Variants in SLC30A7 observed in about 807,000 individuals in gnomAD.
SLC30A7 encodes zinc transporter 7.
In SLC30A7, 35 loss-of-function variants were observed where a neutral mutation model predicts 46.0. That is an observed-to-expected ratio of 0.76 (90% CI 0.58 to 1.01). SLC30A7 has a LOEUF of 1.01. Among genes scored for constraint, SLC30A7 ranks in the 50% least tolerant of loss-of-function variants. The pLI is 0.00. For missense variants in SLC30A7, 464 were observed against 451.1 expected, an observed-to-expected ratio of 1.03 and a Z score of -0.26; for synonymous variants, 147 against 157.8, an observed-to-expected ratio of 0.93 and a Z score of 0.51.
intron 8 of SLC30A7, among the ~76,000 whole-genome samples, chr1:100,957,222 C>T (rs1655273713): frequency 6.6e-6 from 1 of 152,180 alleles, no homozygotes; most frequent in Non-Finnish European, 1.5e-5. Flanking sequence ...AAGGTCCCAC[C>T]TGGTTCCAGA....
intron 6 of SLC30A7, among the ~76,000 whole-genome samples, chr1:100,914,061 T>G (rs1371550385): frequency 6.6e-6 from 1 of 152,214 alleles, no homozygotes; most frequent in Non-Finnish European, 1.5e-5. Flanking sequence ...TTATTTTTAA[T>G]TTTTAATTTT....
chr1:100,905,579 CT>C (rs2101007472), intron 2 of SLC30A7, among the ~76,000 whole-genome samples: 1 of 151,984 alleles, frequency 6.6e-6, no homozygotes, highest in African/African-American at 2.4e-5. Flanking sequence ...GGATGCTCTG[CT>C]TTTTTTGTTT....
downstream of SLC30A7, among the ~76,000 whole-genome samples, chr1:100,986,127 C>T (rs764032043): frequency 6.6e-6 from 1 of 152,124 alleles, no homozygotes; most frequent in Admixed American, 6.5e-5. Flanking sequence ...GACACCACTG[C>T]GGCCAGGCAC....
At chr1:100,937,538 T>C (rs1570555362) in intron 8 of SLC30A7, among the ~76,000 whole-genome samples, 1 of 152,214 alleles carries the variant, frequency 6.6e-6, no homozygotes, top group South Asian at 2.1e-4. Context: ...CAAGTGGTCT[T>C]ATTGTTTTGA....
chr1:100,934,474 A>G (rs957194592), intron 8 of SLC30A7, among the ~76,000 whole-genome samples: 10 of 152,084 alleles, frequency 6.6e-5, no homozygotes, highest in African/African-American at 2.4e-4. Context: ...TCTTTGCTCT[A>G]TTATCCAGAT....
intron 7 of SLC30A7, among the ~76,000 whole-genome samples, chr1:100,920,096 A>T (rs1557984340): frequency 1.3e-5 from 2 of 152,094 alleles, no homozygotes; most frequent in Admixed American, 6.5e-5. Flanking sequence ...TCAGGTTAGC[A>T]AATAAATGGT....
intron 4 of SLC30A7, 97 bp from the exon 5 acceptor site, chr1:100,912,015 A>G (rs1433617359): frequency 6.2e-6 from 7 of 1,135,142 alleles, no homozygotes; most frequent in Non-Finnish European, 8.7e-6. Context: ...TTTAATTCCA[A>G]AAATAACTGA....
chr1:100,945,426 C>A (rs1301555634), intron 8 of SLC30A7, among the ~76,000 whole-genome samples: 1 of 152,160 alleles, frequency 6.6e-6, no homozygotes, highest in Non-Finnish European at 1.5e-5. Flanking sequence ...TTAGGTCTAA[C>A]ATTTAAGTCT....
chr1:100,935,315 G>A (rs1653891421), intron 8 of SLC30A7, among the ~76,000 whole-genome samples: 1 of 152,100 alleles, frequency 6.6e-6, no homozygotes, highest in Non-Finnish European at 1.5e-5. Context: ...CTTTTTATAG[G>A]CATGAATTCT....
chr1:100,916,359 G>A (rs557997871), intron 6 of SLC30A7, among the ~76,000 whole-genome samples: 1 of 152,018 alleles, frequency 6.6e-6, no homozygotes, highest in South Asian at 2.1e-4. Context: ...CTAACTTTTT[G>A]TATTTTTAGT....
intron 8 of SLC30A7, among the ~76,000 whole-genome samples, chr1:100,940,618 A>G (rs1481748227): frequency 1.3e-5 from 2 of 152,228 alleles, no homozygotes; most frequent in Non-Finnish European, 2.9e-5. Context: ...GTATAAGTTT[A>G]TTTAAGTTAC....
the SLC30A7 span, chr1:100,990,661 A>G: frequency 7.3e-5 from 117 of 1,596,152 alleles, 1 homozygote; most frequent in Middle Eastern, 5.0e-4. Context: ...CTGCTATTCA[A>G]TTCAGCAAAT....
At chr1:100,906,811 G>C in intron 2 of SLC30A7, 41 bp from the exon 3 acceptor site, 1 of 1,341,022 alleles carries the variant, frequency 7.5e-7, no homozygotes, top group Non-Finnish European at 1.1e-6. Context: ...CCTACTGTTT[G>C]GTTTTTATTA....
chr1:100,965,618 G>A, intron 9 of SLC30A7, 151 bp from the exon 10 acceptor site: 8 of 668,252 alleles, frequency 1.2e-5, no homozygotes, highest in East Asian at 1.1e-4. Context: ...GTACTCAAGA[G>A]TATTTATTTA....
At chr1:100,940,513 A>G (rs535701068) in intron 8 of SLC30A7, among the ~76,000 whole-genome samples, 3 of 152,208 alleles carry the variant, frequency 2.0e-5, no homozygotes, top group South Asian at 4.1e-4. Context: ...CACTTAGATC[A>G]TGAAGGACTA....
chr1:100,982,599 C>T (rs1558021024), downstream of SLC30A7, among the ~76,000 whole-genome samples: 1 of 152,140 alleles, frequency 6.6e-6, no homozygotes, highest in African/African-American at 2.4e-5. Context: ...CCTTTGAAAT[C>T]TTTTACTTTC....
intron 10 of SLC30A7, 144 bp from the exon 11 acceptor site, chr1:100,974,666 C>T: frequency 1.9e-6 from 1 of 536,496 alleles, no homozygotes; most frequent in South Asian, 5.1e-5. Context: ...TTTTTTGTAG[C>T]TTATGAATAT....
Position 100,974,900 on chromosome 1 carries a change from C to T in SLC30A7, c.*43C>T, listed in dbSNP as rs771718988. ...TGCACCTTTTATGGACCAAATTTTT[C>T]TGGTACTGTACGATCCAAAACATTG... On this transcript the variant is annotated 3_prime_UTR_variant, in exon 11 of 11. Transcript: ENST00000357650. 3 of 1,544,598 alleles carry T rather than the reference C, an allele frequency of 1.9e-6. No individual in the cohort carries two copies. The highest frequency in any genetic ancestry group is 2.7e-5 in the African/African-American group (2 of 73,230).
At chr1:100,917,228 T>C (rs187413211) in intron 6 of SLC30A7, among the ~76,000 whole-genome samples, 9 of 152,330 alleles carry the variant, frequency 5.9e-5, no homozygotes, top group Admixed American at 2.0e-4. Flanking sequence ...ATCAGCTGGA[T>C]TTTTCAGGGT....
Sources: allele counts gnomAD v4.1 joint callset (sites outside exome capture counted in the v4.1 genomes callset), GRCh38; gene constraint gnomAD v4.1.1; transcripts MANE v1.5; gene names NCBI Gene and HGNC (gene_info 2026-07-23, HGNC 2026-07-21).